LRRC4C: variants seen among roughly 807,000 people sequenced by gnomAD.
The protein encoded by LRRC4C is leucine rich repeat containing 4C.
A neutral mutation model predicts 33.6 loss-of-function variants in LRRC4C; 5 were observed. That is an observed-to-expected ratio of 0.15 (90% CI 0.08 to 0.31). The LOEUF is 0.31. LRRC4C is among the 10% of genes least tolerant of loss of function. The pLI is 1.00. For missense variants in LRRC4C, 560 were observed against 796.7 expected (o/e 0.70, Z 3.58); for synonymous variants, 329 against 302.0 (o/e 1.09, Z -0.93).
At chr11:41,347,205 G>A (rs1951830866) in intron 1 of LRRC4C, among the ~76,000 whole-genome samples, 1 of 152,158 alleles carries the variant, frequency 6.6e-6, no homozygotes, top group Admixed American at 6.5e-5. Flanking sequence ...AAACGCTTGA[G>A]TTATAGCACA....
chr11:41,197,895 G>A (rs1193970149), intron 1 of LRRC4C, among the ~76,000 whole-genome samples: 1 of 151,914 alleles, frequency 6.6e-6, no homozygotes, highest in African/African-American at 2.4e-5. Flanking sequence ...AAAATGCTCA[G>A]TAAATGAAAG....
intron 1 of LRRC4C, among the ~76,000 whole-genome samples, chr11:41,354,778 A>G (rs1007501693): frequency 2.0e-5 from 3 of 152,010 alleles, no homozygotes; most frequent in African/African-American, 7.2e-5. Flanking sequence ...TTCAATAAAT[A>G]ATGGAATAAC....
chr11:40,372,813 T>C (rs1434444166), intron 3 of LRRC4C, among the ~76,000 whole-genome samples: 1 of 152,204 alleles, frequency 6.6e-6, no homozygotes, highest in Non-Finnish European at 1.5e-5. Context: ...GCTGACCTTC[T>C]GGCCACATGG....
intron 1 of LRRC4C, among the ~76,000 whole-genome samples, chr11:41,070,790 A>G (rs1202814250): frequency 6.6e-6 from 1 of 152,222 alleles, no homozygotes; most frequent in Non-Finnish European, 1.5e-5. Flanking sequence ...GCTGTGGAGA[A>G]ATAGAAACAC....
intron 1 of LRRC4C, among the ~76,000 whole-genome samples, chr11:41,431,984 C>T (rs550934175): frequency 2.3e-3 from 357 of 152,172 alleles, no homozygotes; most frequent in Non-Finnish European, 3.3e-3. Flanking sequence ...AAAATGGATT[C>T]ATTTCCGCTA....
chr11:40,900,899 G>T (rs1956168726), intron 2 of LRRC4C, among the ~76,000 whole-genome samples: 1 of 151,714 alleles, frequency 6.6e-6, no homozygotes, highest in African/African-American at 2.4e-5. Flanking sequence ...TAATATGATT[G>T]TATCATAAAA....
chr11:40,195,080 G>A (rs531500290), intron 5 of LRRC4C, among the ~76,000 whole-genome samples: 1 of 151,082 alleles, frequency 6.6e-6, no homozygotes, highest in African/African-American at 2.4e-5. Context: ...GACAGAGTGA[G>A]ACTCCGTCTC....
intron 1 of LRRC4C, among the ~76,000 whole-genome samples, chr11:41,347,743 G>A (rs1055557594): frequency 1.3e-5 from 2 of 152,164 alleles, no homozygotes; most frequent in African/African-American, 4.8e-5. Context: ...AGCCAATGTG[G>A]TGAGCAGTGA....
chr11:40,913,798 T>C (rs1156738512), intron 2 of LRRC4C, among the ~76,000 whole-genome samples: 1 of 152,064 alleles, frequency 6.6e-6, no homozygotes, highest in Admixed American at 6.6e-5. Flanking sequence ...GGTAGACCAC[T>C]AGTAAGACTA....
At chr11:40,471,501 G>A (rs540181082) in intron 3 of LRRC4C, among the ~76,000 whole-genome samples, 15 of 152,176 alleles carry the variant, frequency 9.9e-5, no homozygotes, top group Non-Finnish European at 1.9e-4. Flanking sequence ...TAACCAGCTA[G>A]CATCATAATG....
intron 5 of LRRC4C, among the ~76,000 whole-genome samples, chr11:40,144,322 T>C (rs1463414488): frequency 6.6e-6 from 1 of 152,216 alleles, no homozygotes; most frequent in East Asian, 1.9e-4. Context: ...TAACTATCCA[T>C]CTGCTACCAG....
chr11:40,731,668 TCAAATTGAATA>T (rs80215613), intron 2 of LRRC4C, among the ~76,000 whole-genome samples: 4,674 of 152,256 alleles, frequency 0.031, 97 homozygotes, highest in Middle Eastern at 0.041. Flanking sequence ...ATATATTGGT[TCAAATTGAATA>T]CAAACAACAA....
At chr11:41,219,069 C>T (rs1947190380) in intron 1 of LRRC4C, among the ~76,000 whole-genome samples, 1 of 152,108 alleles carries the variant, frequency 6.6e-6, no homozygotes, top group African/African-American at 2.4e-5. Flanking sequence ...CCGCGCCCGG[C>T]CGCATATGTC....
Position 40,471,266 on chromosome 11 carries a change from T to A in LRRC4C, c.-269-151545A>T, listed in dbSNP as rs182782559. On this transcript the variant is annotated intron_variant, in intron 3 of 6. Coordinates refer to ENST00000528697, the MANE Select transcript of LRRC4C (RefSeq NM_001258419.2). ...AAAGAAAAGAATTTTCAACCCAGAATTTCATATTCAGCCAAACTAAACTTC... is the reference window on the plus strand; with the variant it reads ...AAAGAAAAGAATTTTCAACCCAGAAATTCATATTCAGCCAAACTAAACTTC... 2.1e-3 allele frequency among the ~76,000 whole-genome samples: 315 copies of A among 152,304 alleles called. 1 individual carries two copies. The highest frequency in any genetic ancestry group is 1.7e-3 in the Non-Finnish European group (117 of 68,026).
intron 2 of LRRC4C, among the ~76,000 whole-genome samples, chr11:40,663,715 G>A (rs915474524): frequency 2.4e-4 from 37 of 152,278 alleles, no homozygotes; most frequent in African/African-American, 7.0e-4. Context: ...AGTTATACAA[G>A]TAGAAGTGAG....
chr11:40,586,735 C>T (rs536621972), intron 3 of LRRC4C, among the ~76,000 whole-genome samples: 3 of 151,160 alleles, frequency 2.0e-5, no homozygotes, highest in Middle Eastern at 3.4e-3. Flanking sequence ...ATAGGGAAGC[C>T]TTTCCCCATT....
intron 1 of LRRC4C, among the ~76,000 whole-genome samples, chr11:40,978,526 C>T (rs2137070600): frequency 6.6e-6 from 1 of 152,212 alleles, no homozygotes; most frequent in Non-Finnish European, 1.5e-5. Context: ...ATAGGACAGC[C>T]CCCTTCACAA....
At chr11:41,410,927 G>A (rs1954451008) in intron 1 of LRRC4C, among the ~76,000 whole-genome samples, 1 of 151,742 alleles carries the variant, frequency 6.6e-6, no homozygotes, top group Non-Finnish European at 1.5e-5. Context: ...GGACCTGCCT[G>A]AGAGCCATCT....
At chr11:41,048,411 C>A (rs1057488670) in intron 1 of LRRC4C, among the ~76,000 whole-genome samples, 1 of 151,756 alleles carries the variant, frequency 6.6e-6, no homozygotes, top group Non-Finnish European at 1.5e-5. Flanking sequence ...ATTGCAGGCA[C>A]GCACTACCAT....
Sources: allele counts gnomAD v4.1 joint callset (sites outside exome capture counted in the v4.1 genomes callset), GRCh38; gene constraint gnomAD v4.1.1; transcripts MANE v1.5; gene names NCBI Gene and HGNC (gene_info 2026-07-23, HGNC 2026-07-21).